The following OSBP2 variants were observed in gnomAD, a reference collection of about 807,000 sequenced individuals.
OSBP2 encodes the protein oxysterol-binding protein 2.
In OSBP2, 66 loss-of-function variants were observed where a neutral mutation model predicts 96.0. The observed-to-expected ratio is 0.69, with a 90% CI of 0.56 to 0.84. The LOEUF is 0.84. OSBP2 is among the 40% of genes least tolerant of loss of function. The pLI, the probability that OSBP2 is intolerant of heterozygous loss-of-function variation, is 0.00. For missense variants in OSBP2, 1,038 were observed against 1,222.7 expected (o/e 0.85, Z 2.25); for synonymous variants, 525 against 520.9 (o/e 1.01, Z -0.11).
upstream of OSBP2, chr22:30,693,829 T>A (rs116428241): frequency 5.8e-3 from 2,729 of 467,654 alleles, 58 homozygotes; most frequent in African/African-American, 0.048. Flanking sequence ...TAGCTGGGCA[T>A]GGTGCGGGCC....
intron 2 of OSBP2, among the ~76,000 whole-genome samples, chr22:30,854,006 A>T (rs1195014288): frequency 1.3e-5 from 2 of 151,692 alleles, no homozygotes; most frequent in Non-Finnish European, 2.9e-5. Flanking sequence ...TCATCCGCCC[A>T]CCTCGGCCTC....
chr22:30,796,728 G>A (rs1038539155), intron 2 of OSBP2, among the ~76,000 whole-genome samples: 6 of 151,974 alleles, frequency 3.9e-5, no homozygotes, highest in South Asian at 2.1e-4. Flanking sequence ...GGTTGGTCTC[G>A]AACTCCTGAC....
rs1463405730 is a variant in OSBP2 at position 30,870,777 on chromosome 22, G to A, written c.1107+95G>A. On this transcript the variant is annotated intron_variant, in intron 3 of 13. Coordinates refer to ENST00000332585, the MANE Select transcript of OSBP2 (RefSeq NM_030758.4). The surrounding 1 kb of genome is among the most constrained non-coding windows in gnomAD (Gnocchi z 4.1). ...ACCAGGGTCAGCTTGAAGGGTCAGC[G>A]TTCCATTTCCTGCGGTTCCACGGTG... 11 of 1,336,590 alleles carry A rather than the reference G, an allele frequency of 8.2e-6. No individual in the cohort carries two copies. Among genetic ancestry groups the A allele is most frequent in the East Asian group, 2.3e-5 (1 of 42,938 alleles). The allele number at this position is 1,336,590 out of a possible 1,614,324, so 82.8% of individuals were successfully genotyped here. A position where few individuals can be genotyped will look rare whatever the true frequency, so the allele number is the denominator to read the frequency against.
intron 1 of OSBP2, among the ~76,000 whole-genome samples, chr22:30,720,276 G>T (rs2089526919): frequency 6.6e-6 from 1 of 152,170 alleles, no homozygotes; most frequent in Non-Finnish European, 1.5e-5. Context: ...TCACCTATGG[G>T]TGATTAATTG....
intron 1 of OSBP2, among the ~76,000 whole-genome samples, chr22:30,700,475 A>C (rs986291503): frequency 1.3e-5 from 2 of 152,194 alleles, no homozygotes; most frequent in Non-Finnish European, 2.9e-5. Context: ...TAAATGATAC[A>C]GAATTTTCAA....
intron 2 of OSBP2, among the ~76,000 whole-genome samples, chr22:30,757,419 C>T (rs542790621): frequency 6.6e-6 from 1 of 151,496 alleles, no homozygotes; most frequent in East Asian, 1.9e-4. Context: ...TTTCTTTTTC[C>T]TTTTCTTTTC....
chr22:30,746,548 G>T (rs1051497669), intron 2 of OSBP2, among the ~76,000 whole-genome samples: 8 of 140,918 alleles, frequency 5.7e-5, no homozygotes, highest in African/African-American at 2.2e-4. Flanking sequence ...GGAGTGCAGT[G>T]GTGCAATCTC....
At chr22:30,868,014 C>T (rs753188641) in intron 2 of OSBP2, among the ~76,000 whole-genome samples, 59 of 152,366 alleles carry the variant, frequency 3.9e-4, no homozygotes, top group Non-Finnish European at 7.1e-4. Flanking sequence ...GGCTCTAAAG[C>T]CAGAGACCTG....
chr22:30,889,116 G>A (rs925211824), intron 5 of OSBP2, 61 bp from the exon 6 acceptor site: 1 of 1,465,398 alleles, frequency 6.8e-7, no homozygotes, highest in African/African-American at 1.4e-5. Flanking sequence ...GAGAGGATGG[G>A]CCAGGTCCCA....
intron 2 of OSBP2, among the ~76,000 whole-genome samples, chr22:30,769,596 C>T (rs111512677): frequency 3.9e-5 from 6 of 152,120 alleles, no homozygotes; most frequent in South Asian, 2.1e-4. Context: ...TTGCAGTGAG[C>T]GGAGATTGCG....
intron 2 of OSBP2, among the ~76,000 whole-genome samples, chr22:30,798,522 C>G (rs2090797922): frequency 6.6e-6 from 1 of 152,186 alleles, no homozygotes. Flanking sequence ...AGCTTTTGCA[C>G]TAAGGTTTTG....
At chr22:30,744,083 T>A (rs901520364) in intron 2 of OSBP2, among the ~76,000 whole-genome samples, 4 of 152,202 alleles carry the variant, frequency 2.6e-5, no homozygotes, top group Non-Finnish European at 5.9e-5. Flanking sequence ...GAAGCATGAA[T>A]GAACCATGTA....
chr22:30,751,768 C>T (rs1037543057), intron 2 of OSBP2, among the ~76,000 whole-genome samples: 5 of 152,200 alleles, frequency 3.3e-5, no homozygotes, highest in Non-Finnish European at 2.9e-5. Context: ...GGAGATTAGG[C>T]GCCCAGGGCA....
chr22:30,846,030 G>T (rs1428915072), intron 2 of OSBP2, among the ~76,000 whole-genome samples: 1 of 152,120 alleles, frequency 6.6e-6, no homozygotes, highest in Non-Finnish European at 1.5e-5. Flanking sequence ...GAGTTTTTGT[G>T]TGGATATATG....
At chr22:30,864,816 A>C (rs2039296589) in intron 2 of OSBP2, among the ~76,000 whole-genome samples, 1 of 152,116 alleles carries the variant, frequency 6.6e-6, no homozygotes, top group African/African-American at 2.4e-5. Context: ...CTCTCCAGTG[A>C]CACCCATGAG....
At chr22:30,762,980 C>T (rs1008843854) in intron 2 of OSBP2, among the ~76,000 whole-genome samples, 1 of 152,172 alleles carries the variant, frequency 6.6e-6, no homozygotes, top group Non-Finnish European at 1.5e-5. Context: ...AGCAGAGATG[C>T]TGGAGCCAGC....
Position 30,695,297 on chromosome 22 carries a change from G to C in OSBP2, c.388G>C (p.Ala130Pro). 1 of 1,613,424 alleles carries C rather than the reference G, an allele frequency of 6.2e-7. No individual in the cohort carries two copies. Among genetic ancestry groups the C allele is most frequent in the South Asian group, 1.1e-5 (1 of 91,084 alleles). Residue 130 changes from alanine (A) to proline (P), a missense_variant, in exon 1 of 14, where the codon GCG becomes CCG. By Grantham distance (27) the Ala-to-Pro change is conservative (BLOSUM62 -1). Around this residue, in one of 3 missense-constraint regions of OSBP2, gnomAD observed 281 missense variants for 273.4 expected, o/e 1.03. Transcript: ENST00000332585. ...GGCCGCATCGGAGCCGCTCTCCCGG[G>C]CGGTGGGGAGCGCGACCTTTCTCAG... is the stretch of plus-strand genomic sequence containing the variant. ...TKAASEPLSR[A>P]VGSATFLRPE...
At chr22:30,850,580 A>C (rs2038961330) in intron 2 of OSBP2, among the ~76,000 whole-genome samples, 1 of 150,908 alleles carries the variant, frequency 6.6e-6, no homozygotes, top group Non-Finnish European at 1.5e-5. Context: ...GCTCACTGCA[A>C]CCTCCGCCTC....
intron 1 of OSBP2, among the ~76,000 whole-genome samples, chr22:30,723,351 C>T (rs940493643): frequency 6.6e-5 from 10 of 151,892 alleles, no homozygotes; most frequent in East Asian, 5.8e-4. Context: ...ATGATCCATC[C>T]GCCTCAGCCT....
Sources: allele counts gnomAD v4.1 joint callset (sites outside exome capture counted in the v4.1 genomes callset), GRCh38; gene constraint gnomAD v4.1.1; regional missense constraint gnomAD v4.1.1; non-coding constraint Gnocchi (gnomAD v3.1); transcripts MANE v1.5; gene names NCBI Gene and HGNC (gene_info 2026-07-23, HGNC 2026-07-21).